The following CAMK2D variants were observed in gnomAD, a reference collection of about 807,000 sequenced individuals.
The protein encoded by CAMK2D is calcium/calmodulin dependent protein kinase II delta.
In CAMK2D, 37 loss-of-function variants were observed where a neutral mutation model predicts 84.0. The ratio of observed to expected loss-of-function variants is 0.44; its 90% CI spans 0.34 to 0.58. The LOEUF (loss-of-function observed/expected upper bound fraction) is 0.58, where lower values mean the gene tolerates loss of function less well. Ranked by LOEUF, CAMK2D falls within the 20% of genes least tolerant of loss-of-function variation. The pLI, the probability that CAMK2D is intolerant of heterozygous loss-of-function variation, is 0.02. For missense variants in CAMK2D, 448 were observed against 652.5 expected, an observed-to-expected ratio of 0.69 and a Z score of 3.41; for synonymous variants, 202 against 212.5, an observed-to-expected ratio of 0.95 and a Z score of 0.43.
chr4:113,521,903 T>G (rs1200066316), intron 8 of CAMK2D, among the ~76,000 whole-genome samples: 3 of 152,154 alleles, frequency 2.0e-5, no homozygotes, highest in African/African-American at 7.2e-5. Flanking sequence ...TATAGTATTC[T>G]CTCCATTTTA....
chr4:113,523,185 G>A (rs2098383357), intron 8 of CAMK2D, among the ~76,000 whole-genome samples: 1 of 152,144 alleles, frequency 6.6e-6, no homozygotes, highest in African/African-American at 2.4e-5. Context: ...TATAAGCCAC[G>A]CAGTCTATGT....
At chr4:113,682,199 T>C (rs915674410) in intron 2 of CAMK2D, among the ~76,000 whole-genome samples, 3 of 152,230 alleles carry the variant, frequency 2.0e-5, no homozygotes, top group African/African-American at 4.8e-5. Flanking sequence ...GCTGTTTTGA[T>C]AGAAGAGGAA....
chr4:113,679,359 T>C (rs2099331110), intron 2 of CAMK2D: 1 of 506,236 alleles, frequency 2.0e-6, no homozygotes, highest in Non-Finnish European at 2.5e-6. Context: ...TAGACTCTTA[T>C]CCTCTTCTCT....
chr4:113,662,703 CTATT>C (rs2154314873), intron 2 of CAMK2D, among the ~76,000 whole-genome samples: 2 of 152,330 alleles, frequency 1.3e-5, no homozygotes, highest in African/African-American at 4.8e-5. Context: ...ATTTCATCCA[CTATT>C]TCTTTTGCAT....
At chr4:113,524,323 CCTTT>C (rs766279922) in intron 8 of CAMK2D, among the ~76,000 whole-genome samples, 8 of 152,094 alleles carry the variant, frequency 5.3e-5, no homozygotes, top group Non-Finnish European at 8.8e-5. Context: ...TTGGTAATCA[CCTTT>C]CTATTTTCTG....
chr4:113,607,344 T>C (rs953774487), intron 4 of CAMK2D, among the ~76,000 whole-genome samples: 2 of 152,044 alleles, frequency 1.3e-5, no homozygotes, highest in African/African-American at 4.8e-5. Context: ...TGTGCAGAAG[T>C]AGCGCTTTAG....
chr4:113,660,843 T>G (rs552600011), intron 3 of CAMK2D, among the ~76,000 whole-genome samples: 2 of 150,514 alleles, frequency 1.3e-5, no homozygotes, highest in South Asian at 4.2e-4. Flanking sequence ...CGTCCCAGGC[T>G]GGAGTGCAGT....
chr4:113,578,874 G>GCTA (rs2098796041), intron 4 of CAMK2D, among the ~76,000 whole-genome samples: 2 of 152,312 alleles, frequency 1.3e-5, no homozygotes, highest in South Asian at 4.1e-4. Flanking sequence ...ATAGCATTGA[G>GCTA]CTACTGTCTG....
At chr4:113,558,680 A>ATG (rs149507640) in intron 4 of CAMK2D, among the ~76,000 whole-genome samples, 2,058 of 152,112 alleles carry the variant, frequency 0.014, 49 homozygotes, top group East Asian at 0.11. Flanking sequence ...CTACTATGTC[A>ATG]TGTGTGTATA....
intron 18 of CAMK2D, among the ~76,000 whole-genome samples, chr4:113,459,575 C>CA (rs1350110870): frequency 1.3e-5 from 2 of 151,178 alleles, no homozygotes; most frequent in African/African-American, 4.9e-5. Context: ...TTTTTTGTAA[C>CA]TGCTTTATAG....
rs148205206 is a variant in CAMK2D at position 113,620,129 on chromosome 4, T to C, written c.221-10923A>G. The stretch of plus-strand genomic sequence containing the variant: ...AGATAGGGTTGGGTAAGGATGGAGG[T>C]AGGGGATATTGAAGGAGGAGGTGTT... On this transcript the variant is annotated intron_variant, in intron 3 of 20. Coordinates refer to ENST00000511664, the MANE Select transcript of CAMK2D (RefSeq NM_001321571.2). 4.3e-4 allele frequency among the ~76,000 whole-genome samples: 65 copies of C among 151,872 alleles called. 1 individual carries two copies. The Middle Eastern group carries it at 0.017, about 40-fold the overall frequency.
At chr4:113,456,668 G>A (rs2097307473) in intron 19 of CAMK2D, 1 of 152,350 alleles carries the variant, frequency 6.6e-6, no homozygotes, top group South Asian at 2.1e-4. Flanking sequence ...TGAAGTTGAT[G>A]ATAAACTTTA....
chr4:113,622,674 A>G (rs1402399489), intron 3 of CAMK2D, among the ~76,000 whole-genome samples: 2 of 152,186 alleles, frequency 1.3e-5, no homozygotes, highest in Admixed American at 1.3e-4. Flanking sequence ...TGAAGAAGGA[A>G]GATTGTTTGA....
intron 8 of CAMK2D, among the ~76,000 whole-genome samples, chr4:113,523,503 T>A (rs886872303): frequency 6.6e-6 from 1 of 151,992 alleles, no homozygotes; most frequent in African/African-American, 2.4e-5. Context: ...TAAAAAAAGG[T>A]CCCACACACT....
At chr4:113,474,328 C>T (rs1019506825) in intron 16 of CAMK2D, among the ~76,000 whole-genome samples, 1 of 152,152 alleles carries the variant, frequency 6.6e-6, no homozygotes, top group African/African-American at 2.4e-5. Flanking sequence ...TACACATTTG[C>T]ATGATCAGAG....
At chr4:113,628,738 T>A (rs942543201) in intron 3 of CAMK2D, among the ~76,000 whole-genome samples, 9 of 151,964 alleles carry the variant, frequency 5.9e-5, no homozygotes, top group African/African-American at 2.2e-4. Context: ...GTAAAGGTAA[T>A]TTTTTTTCCT....
chr4:113,734,365 G>A (rs1356418226), intron 2 of CAMK2D, among the ~76,000 whole-genome samples: 1 of 152,064 alleles, frequency 6.6e-6, no homozygotes, highest in East Asian at 1.9e-4. Flanking sequence ...CAAATGGAAA[G>A]GAAGGTCATA....
intron 13 of CAMK2D, among the ~76,000 whole-genome samples, chr4:113,505,464 T>A (rs888981071): frequency 6.6e-6 from 1 of 152,178 alleles, no homozygotes; most frequent in African/African-American, 2.4e-5. Context: ...CACACATACA[T>A]CTTTCTCTGG....
chr4:113,529,078 G>A (rs987097832), intron 8 of CAMK2D, among the ~76,000 whole-genome samples: 6 of 152,118 alleles, frequency 3.9e-5, no homozygotes, highest in Non-Finnish European at 8.8e-5. Context: ...ACAATTCAAT[G>A]AGGGTAACAT....
Sources: gnomAD v4.1 joint callset for allele counts (sites outside exome capture counted in the v4.1 genomes callset) on GRCh38, gnomAD v4.1.1 for gene constraint, MANE v1.5 for transcripts, NCBI Gene and HGNC (gene_info 2026-07-23, HGNC 2026-07-21) for gene names.